SLIT3: variants seen among roughly 807,000 people sequenced by gnomAD.
SLIT3 encodes the protein slit guidance ligand 3, also known as slit homolog 3 protein.
In SLIT3, 68 loss-of-function variants were observed where a neutral mutation model predicts 184.0. That is an observed-to-expected ratio of 0.37 (90% CI 0.30 to 0.45). The LOEUF is 0.45. Ranked by LOEUF, SLIT3 falls within the 20% of genes least tolerant of loss-of-function variation. The probability of loss-of-function intolerance (pLI) is 1.00; values close to 1 mark genes in which losing one functional copy is unlikely to be tolerated. For missense variants in SLIT3, 1,707 were observed against 2,026.0 expected, an observed-to-expected ratio of 0.84 and a Z score of 3.02; for synonymous variants, 831 against 828.6, an observed-to-expected ratio of 1.00 and a Z score of -0.05.
intron 6 of SLIT3, among the ~76,000 whole-genome samples, chr5:168,843,769 C>G (rs748315354): frequency 1.3e-5 from 2 of 152,160 alleles, no homozygotes; most frequent in Admixed American, 6.5e-5. Context: ...TGAGAATAAC[C>G]AAAATGTTTT....
chr5:168,856,115 G>GA (rs1237070277), intron 5 of SLIT3, among the ~76,000 whole-genome samples: 10 of 151,258 alleles, frequency 6.6e-5, no homozygotes, highest in South Asian at 2.1e-4. Context: ...TCTTACAAAA[G>GA]AAAAAAAACA....
chr5:169,270,400 G>T (rs1766560549), intron 1 of SLIT3, among the ~76,000 whole-genome samples: 1 of 152,096 alleles, frequency 6.6e-6, no homozygotes, highest in South Asian at 2.1e-4. Flanking sequence ...GCCAAGAATG[G>T]TTTTTATATT....
chr5:169,033,968 AC>A (rs890481787), intron 4 of SLIT3, among the ~76,000 whole-genome samples: 8 of 151,852 alleles, frequency 5.3e-5, no homozygotes, highest in African/African-American at 1.9e-4. Context: ...GTCCACCACC[AC>A]GCCCGGCTAA....
chr5:168,994,018 G>A (rs971960742), intron 4 of SLIT3: 29 of 152,286 alleles, frequency 1.9e-4, no homozygotes, highest in African/African-American at 6.5e-4. Context: ...ACAAGACATC[G>A]GGAGCCAGGG....
rs181229802 is a variant in SLIT3, at chr5:168,828,642, G to C, written c.558-5311C>G. 5.9e-5 allele frequency among the ~76,000 whole-genome samples: 5 copies of C among 84,748 alleles called. 1 individual carries two copies. The Admixed American group carries it at 6.0e-4, about 10-fold the overall frequency. 55.6% of individuals were successfully genotyped at this position (84,748 alleles called of 152,430 possible). On this transcript the variant is annotated intron_variant, in intron 6 of 35. Coordinates refer to ENST00000519560, the MANE Select transcript of SLIT3 (RefSeq NM_003062.4). ...GCCATTGCACTCAGCCTGGGTGACA[G>C]AGTGAGATCCTGACTCAAAAAAAAA...
At chr5:168,833,704 G>C (rs1757952857) in intron 6 of SLIT3, among the ~76,000 whole-genome samples, 1 of 152,186 alleles carries the variant, frequency 6.6e-6, no homozygotes, top group African/African-American at 2.4e-5. Context: ...CTAATATAGG[G>C]GCAAGCAGAC....
At chr5:168,979,778 C>T (rs889662216) in intron 4 of SLIT3, among the ~76,000 whole-genome samples, 1 of 152,184 alleles carries the variant, frequency 6.6e-6, no homozygotes, top group Non-Finnish European at 1.5e-5. Flanking sequence ...GGGCAGTCTC[C>T]AGGACTCAGG....
chr5:168,869,829 C>T (rs574270195), intron 5 of SLIT3, among the ~76,000 whole-genome samples: 15 of 152,326 alleles, frequency 9.8e-5, no homozygotes, highest in South Asian at 6.2e-4. Context: ...TACCCAGGAA[C>T]GGATCATTGG....
chr5:168,723,896 G>C (rs1460099), intron 21 of SLIT3, among the ~76,000 whole-genome samples: 1 of 152,128 alleles, frequency 6.6e-6, no homozygotes, highest in Non-Finnish European at 1.5e-5. Context: ...ATCAGCTGAT[G>C]GTGAGGACCA....
Position 168,753,947 on chromosome 5 carries a change from G to T in SLIT3, c.1746C>A (p.Ser582Arg). ...VREGAFDGAA[S>R]VQELMLTGNQ... ...TCCCTGTCAGCATCAGCTCCTGCACGCTGGCTGCTCCATCGAAAGCTCCCT... is the reference window on the plus strand; with the variant it reads ...TCCCTGTCAGCATCAGCTCCTGCACTCTGGCTGCTCCATCGAAAGCTCCCT... The change falls in exon 17 of 36, where the codon AGC (serine) becomes AGA (arginine). Residue 582 changes from serine to arginine, a missense_variant. Ser to Arg is a moderately radical substitution (Grantham distance 110, BLOSUM62 -1). This residue lies in a region of SLIT3 where 1,307 missense variants were observed against 1,511.6 expected (regional missense o/e 0.86). Transcript: ENST00000519560. The T allele has an allele frequency of 6.2e-7, 1 of 1,611,392 alleles. No individual in the cohort carries two copies. Among genetic ancestry groups the T allele is most frequent in the Non-Finnish European group, 8.5e-7 (1 of 1,179,856 alleles).
At position 168,844,645 on chromosome 5, in the gene SLIT3, T is replaced by C. The variant is rs1260347559; in HGVS notation, c.496A>G (p.Asn166Asp). 2 of 1,614,044 alleles carry C rather than the reference T, an allele frequency of 1.2e-6. No individual in the cohort carries two copies. The highest frequency in any genetic ancestry group is 1.3e-5 in the African/African-American group (1 of 74,936). ...ITDVKNLQLD[N>D]NHISCIEDGA... ...TCTTCAATGCAGCTGATGTGGTTGTTGTCCAGTTGCCTGTGGAAAAGCAGG... is the reference window on the plus strand; with the variant it reads ...TCTTCAATGCAGCTGATGTGGTTGTCGTCCAGTTGCCTGTGGAAAAGCAGG... The change falls in exon 6 of 36, where the codon AAC (asparagine) becomes GAC (aspartate). Residue 166 changes from asparagine (N) to aspartate (D), a missense_variant. Coordinates refer to ENST00000519560, the MANE Select transcript of SLIT3 (RefSeq NM_003062.4).
Position 168,666,431 on chromosome 5 carries a change from G to GTGGC in SLIT3, c.*19_*22dup. On this transcript the variant is annotated 3_prime_UTR_variant, in exon 36 of 36. Transcript: ENST00000519560. ...ACTCCATCAAGCTGGAGTCCGAGAG[G>GTGGC]TGGCAGGCAGGCGGGCAGGGGCTTA... The GTGGC allele has an allele frequency of 1.3e-6, 2 of 1,530,190 alleles. No individual in the cohort carries two copies. The highest frequency in any genetic ancestry group is 8.8e-7 in the Non-Finnish European group (1 of 1,137,202). 94.8% of individuals were successfully genotyped at this position (1,530,190 alleles called of 1,614,324 possible).
rs1762429906 is a variant in SLIT3, at chr5:168,945,030, A to C, written c.414-61694T>G. Among the ~76,000 whole-genome samples the C allele has an allele frequency of 1.3e-5, 2 of 152,180 alleles. 1 individual carries two copies. The highest frequency in any genetic ancestry group is 4.8e-5 in the African/African-American group (2 of 41,444). Reference sequence around the variant, plus strand: ...CGAGGAAAGGAAGAGGAAGGAGGGAAGGAGAGGCCCCAGGGTGGTACCTGT... The same window carrying C: ...CGAGGAAAGGAAGAGGAAGGAGGGACGGAGAGGCCCCAGGGTGGTACCTGT... On this transcript the variant is annotated intron_variant, in intron 4 of 35. Transcript: ENST00000519560.
At chr5:169,156,179 A>C (rs1341475113) in intron 4 of SLIT3, among the ~76,000 whole-genome samples, 5 of 152,224 alleles carry the variant, frequency 3.3e-5, no homozygotes, top group Non-Finnish European at 7.3e-5. Context: ...CATTCTCCTA[A>C]CTGGTAAAGA....
At chr5:168,883,839 C>A (rs949346739) in intron 4 of SLIT3, among the ~76,000 whole-genome samples, 6 of 152,124 alleles carry the variant, frequency 3.9e-5, no homozygotes, top group Non-Finnish European at 7.3e-5. Context: ...TGGGGGATGA[C>A]CACTTCAGCT....
chr5:169,108,155 C>T (rs1208288635), intron 4 of SLIT3, among the ~76,000 whole-genome samples: 1 of 152,206 alleles, frequency 6.6e-6, no homozygotes, highest in Admixed American at 6.5e-5. Flanking sequence ...CACCCAGTAG[C>T]TACTCAATGA....
chr5:169,256,243 A>G (rs762388271), intron 1 of SLIT3, among the ~76,000 whole-genome samples: 5 of 152,164 alleles, frequency 3.3e-5, no homozygotes, highest in Non-Finnish European at 5.9e-5. Flanking sequence ...GCAATCCAGG[A>G]GTTCAAGACT....
intron 20 of SLIT3, among the ~76,000 whole-genome samples, chr5:168,739,426 CTT>C (rs35705916): frequency 5.7e-4 from 82 of 143,520 alleles, no homozygotes; most frequent in Admixed American, 2.9e-3. Context: ...TCTTTTTATT[CTT>C]TTTTTTTTTT....
intron 4 of SLIT3, among the ~76,000 whole-genome samples, chr5:169,010,827 C>T (rs941391794): frequency 1.3e-5 from 2 of 150,944 alleles, no homozygotes; most frequent in African/African-American, 4.9e-5. Context: ...TGCTTGAACC[C>T]AGGAGGCGGA....
Sources: gnomAD v4.1 joint callset for allele counts (sites outside exome capture counted in the v4.1 genomes callset) on GRCh38, gnomAD v4.1.1 for gene constraint, gnomAD v4.1.1 regional missense constraint, MANE v1.5 for transcripts, NCBI Gene and HGNC (gene_info 2026-07-23, HGNC 2026-07-21) for gene names.